SHC2: variants seen among roughly 807,000 people sequenced by gnomAD.
SHC2 encodes the protein SHC adaptor protein 2, also known as SHC-transforming protein 2.
Under a neutral mutation model 60.6 loss-of-function variants are expected in SHC2, and 62 were observed. That is an observed-to-expected ratio of 1.02 (90% CI 0.83 to 1.26). SHC2 has a LOEUF of 1.26. Ranked by LOEUF, SHC2 falls within the 50% of genes most tolerant of loss-of-function variation. SHC2 has a pLI of 0.00. For missense variants in SHC2, 873 were observed against 822.2 expected, an observed-to-expected ratio of 1.06 and a Z score of -0.76; for synonymous variants, 375 against 372.4, an observed-to-expected ratio of 1.01 and a Z score of -0.08.
In SHC2 at chr19:460,955, G is replaced by C. The variant is rs1441752786; in HGVS notation, c.42C>G (p.Pro14=). The C allele has an allele frequency of 1.0e-6, 1 of 983,406 alleles. No individual in the cohort carries two copies. Among genetic ancestry groups the C allele is most frequent in the Non-Finnish European group, 1.2e-6 (1 of 828,694 alleles). 60.9% of individuals were successfully genotyped at this position (983,406 alleles called of 1,614,324 possible). The change falls in exon 1 of 13, where the codon CCC becomes CCG. Residue 14 remains proline (P), a synonymous_variant. Transcript: ENST00000264554. Reference sequence around the variant, plus strand: ...TGGGCGCCTCGGGCTCGGGGGGCGCGGGGGGCGCCGGGGGCGCGCGCCCGC... The same window carrying C: ...TGGGCGCCTCGGGCTCGGGGGGCGCCGGGGGCGCCGGGGGCGCGCGCCCGC... ...GPGGRAPPAP[P]APPEPEAPTT... is the part of the protein sequence containing the mutation.
intron 1 of SHC2, among the ~76,000 whole-genome samples, chr19:454,714 C>T (rs1419952258): frequency 4.6e-5 from 7 of 152,038 alleles, no homozygotes; most frequent in East Asian, 3.9e-4. Flanking sequence ...CGCTTGAACC[C>T]GGGAGGCGGA....
At chr19:443,318 G>GGGGA (rs1974955075) in intron 1 of SHC2, among the ~76,000 whole-genome samples, 1 of 125,922 alleles carries the variant, frequency 7.9e-6, no homozygotes, top group Non-Finnish European at 1.5e-5. Flanking sequence ...GAGTGGATGG[G>GGGGA]TGGATGGATG....
chr19:438,815 G>A lies in SHC2; in HGVS notation c.623C>T (p.Ser208Phe). ...GCGAAGGTTGCTCTTGCCCAGGACG[G>A]ACGCCAGGGCCTTGTTGGGGGCCTG... The part of the protein sequence containing the change: ...KKKAPNKALA[S>F]VLGKSNLRFA... Residue 208 changes from serine to phenylalanine, a missense_variant, in exon 4 of 13, where the codon TCC (serine) becomes TTC (phenylalanine). By Grantham distance (155) the Ser-to-Phe change is radical. Transcript: ENST00000264554. This position sits in a 1 kb window ranked among gnomAD's most constrained non-coding sequence, Gnocchi z 5.0. 1.3e-6 allele frequency: 2 copies of A among 1,571,828 alleles called. No individual in the cohort carries two copies. The highest frequency in any genetic ancestry group is 1.7e-6 in the Non-Finnish European group (2 of 1,159,714).
intron 12 of SHC2, among the ~76,000 whole-genome samples, chr19:418,180 G>A (rs1974195841): frequency 6.6e-6 from 1 of 152,136 alleles, no homozygotes; most frequent in Non-Finnish European, 1.5e-5. Context: ...CCTGAGGTAT[G>A]GTCTTCTCAC....
At chr19:436,018 C>A in intron 7 of SHC2, 147 bp downstream of exon 7, 1 of 839,334 alleles carries the variant, frequency 1.2e-6, no homozygotes, top group Non-Finnish European at 1.8e-6. Context: ...GAAACAGGAT[C>A]CTCTGGCTGA....
rs370696210 is a variant in SHC2, at chr19:425,195, C to T, written c.1211G>A (p.Arg404Gln). ...PGDGYVQADA[R>Q]GPPDHEEHLY... The stretch of plus-strand genomic sequence containing the variant: ...GTGCTCCTCGTGGTCCGGGGGGCCC[C>T]GGGCGTCCGCCTGCACGTAGCCGTC... Residue 404 changes from arginine (R) to glutamine (Q), a missense_variant, in exon 10 of 13, where the codon CGG becomes CAG. Physicochemically the swap from Arg to Gln is conservative, Grantham distance 43. Coordinates refer to ENST00000264554, the MANE Select transcript of SHC2 (RefSeq NM_012435.3). This position sits in a 1 kb window ranked among gnomAD's most constrained non-coding sequence, Gnocchi z 4.1. 12 of 1,342,830 alleles carry T rather than the reference C, an allele frequency of 8.9e-6. No individual in the cohort carries two copies. The East Asian group carries it at 1.7e-4, about 19-fold the overall frequency. The allele number at this position is 1,342,830 out of a possible 1,614,324, so 83.2% of individuals were successfully genotyped here. A position where few individuals can be genotyped will look rare whatever the true frequency, so the allele number is the denominator to read the frequency against.
chr19:430,595 G>T, intron 9 of SHC2, 89 bp downstream of exon 9: 1 of 977,466 alleles, frequency 1.0e-6, no homozygotes, highest in South Asian at 1.5e-5. Flanking sequence ...AAGCAGAGAG[G>T]AGAAAGACTG....
At chr19:455,359 C>G (rs1267868168) in intron 1 of SHC2, among the ~76,000 whole-genome samples, 2 of 152,222 alleles carry the variant, frequency 1.3e-5, no homozygotes, top group African/African-American at 4.8e-5. Flanking sequence ...GCTGCCTCAT[C>G]TATAAAATGG....
chr19:460,433 G>T, intron 1 of SHC2, 96 bp downstream of exon 1: 1 of 469,590 alleles, frequency 2.1e-6, no homozygotes, highest in Non-Finnish European at 3.1e-6. Context: ...ATGGGGAGGG[G>T]ACACCTGGCT....
rs565013655 is a variant in SHC2, at chr19:446,467, C to G, written c.469-5535G>C. Reference sequence around the variant, plus strand: ...CTGGGATTACAGGCGCCCACTACCACGCCCGGCTAATTTTTGTATTTTTAG... The same window carrying G: ...CTGGGATTACAGGCGCCCACTACCAGGCCCGGCTAATTTTTGTATTTTTAG... On this transcript the variant is annotated intron_variant, in intron 1 of 12. Coordinates refer to ENST00000264554, the MANE Select transcript of SHC2 (RefSeq NM_012435.3). This position sits in a 1 kb window ranked among gnomAD's most constrained non-coding sequence, Gnocchi z 5.4. 2.0e-5 allele frequency among the ~76,000 whole-genome samples: 3 copies of G among 152,050 alleles called. No individual in the cohort carries two copies. Among genetic ancestry groups the G allele is most frequent in the Non-Finnish European group, 4.4e-5 (3 of 68,014 alleles).
chr19:418,171 C>T (rs1468156441), intron 12 of SHC2, among the ~76,000 whole-genome samples: 5 of 152,178 alleles, frequency 3.3e-5, no homozygotes, highest in Non-Finnish European at 7.4e-5. Flanking sequence ...TTGGCCCGGC[C>T]TGAGGTATGG....
rs780525511 is a variant in SHC2 at position 418,939 on chromosome 19, G to T, written c.1738C>A (p.Arg580=). Residue 580 remains arginine, a synonymous_variant, in exon 12 of 13, where the codon CGG becomes AGG. Coordinates refer to ENST00000264554, the MANE Select transcript of SHC2 (RefSeq NM_012435.3). ...GCCACACACCTGGCTCAGGGCTCCC[G>T]TGAGACCACGCCACGCAGGTGCAGC... ...SELHLRGVVS[R]EP 6.3e-7 allele frequency: 1 copy of T among 1,589,352 alleles called. No homozygotes were observed. Among genetic ancestry groups the T allele is most frequent in the Admixed American group, 1.8e-5 (1 of 57,004 alleles).
At chr19:434,432 G>A (rs541562404) in intron 8 of SHC2, among the ~76,000 whole-genome samples, 1 of 33,734 alleles carries the variant, frequency 3.0e-5, no homozygotes, top group Non-Finnish European at 6.0e-5. Context: ...GTGAGACTGA[G>A]TGAGATCATG....
At chr19:451,809 C>G (rs1975206286) in intron 1 of SHC2, among the ~76,000 whole-genome samples, 1 of 152,166 alleles carries the variant, frequency 6.6e-6, no homozygotes, top group Non-Finnish European at 1.5e-5. Context: ...TGTTGACAGG[C>G]TGGTGTCGAA....
rs539023064 is a variant in SHC2 at position 441,213 on chromosome 19, G to T, written c.469-281C>A. 3.1e-6 allele frequency: 3 copies of T among 967,274 alleles called. No individual in the cohort carries two copies. The highest frequency in any genetic ancestry group is 2.4e-4 in the East Asian group (2 of 8,510). 59.9% of individuals were successfully genotyped at this position (967,274 alleles called of 1,614,324 possible). On this transcript the variant is annotated intron_variant, in intron 1 of 12. Transcript: ENST00000264554. This position sits in a 1 kb window ranked among gnomAD's most constrained non-coding sequence, Gnocchi z 4.9. ...CTCTATGCTGCTTGTTCATTTAACC[G>T]TCTTGCCCTCGTCGGTCTCTTTCTG... is the stretch of plus-strand genomic sequence containing the variant.
At position 436,228 on chromosome 19, in the gene SHC2, G is replaced by T; in HGVS notation, c.890C>A (p.Ala297Asp). The T allele has an allele frequency of 6.2e-7, 1 of 1,602,834 alleles. No homozygotes were observed. The highest frequency in any genetic ancestry group is 8.5e-7 in the Non-Finnish European group (1 of 1,175,366). ...AQSIISTVGQ[A>D]FELRFKQYLH... is the part of the protein sequence containing the mutation. ...GTACTGCTTGAAGCGCAGCTCGAAA[G>T]CTTGGCCCACGGTGCTGATGATGCT... The change falls in exon 7 of 13, where the codon GCT becomes GAT. Residue 297 changes from alanine to aspartate, a missense_variant. Physicochemically the swap from Ala to Asp is moderately radical, Grantham distance 126. Coordinates refer to ENST00000264554, the MANE Select transcript of SHC2 (RefSeq NM_012435.3).
chr19:445,803 G>A lies in SHC2; in HGVS notation c.469-4871C>T, dbSNP rs780358370. ...AATCCCAGCACTTTGGGAGGCCGAG[G>A]TGAGTGGATCACTTGAGGTCAGGAG... On this transcript the variant is annotated intron_variant, in intron 1 of 12. Transcript: ENST00000264554. The surrounding 1 kb of genome is among the most constrained non-coding windows in gnomAD (Gnocchi z 4.4). Among the ~76,000 whole-genome samples, 10 of 152,168 alleles carry A rather than the reference G, an allele frequency of 6.6e-5. No homozygotes were observed. The highest frequency in any genetic ancestry group is 8.8e-5 in the Non-Finnish European group (6 of 68,034).
In SHC2 at chr19:438,530, G is replaced by A. The variant is rs562718477; in HGVS notation, c.720+188C>T. On this transcript the variant is annotated intron_variant, in intron 4 of 12. Transcript: ENST00000264554. This position sits in a 1 kb window ranked among gnomAD's most constrained non-coding sequence, Gnocchi z 5.0. ...TGTATCAGGACGGCTCGCCCAGGTGGGAGCCCCTGAGCTGAGCCCCGTGAG... is the reference window on the plus strand; with the variant it reads ...TGTATCAGGACGGCTCGCCCAGGTGAGAGCCCCTGAGCTGAGCCCCGTGAG... Among the ~76,000 whole-genome samples, 23 of 152,296 alleles carry A rather than the reference G, an allele frequency of 1.5e-4. 1 individual carries two copies. In the South Asian group the frequency reaches 2.7e-3, roughly 18 times the overall value.
intron 11 of SHC2, among the ~76,000 whole-genome samples, chr19:421,241 A>G (rs2145686881): frequency 6.6e-6 from 1 of 151,940 alleles, no homozygotes; most frequent in South Asian, 2.1e-4. Context: ...CACTAAAAAA[A>G]TATGAAAAAT....
Sources: gnomAD v4.1 joint callset for allele counts (sites outside exome capture counted in the v4.1 genomes callset) on GRCh38, gnomAD v4.1.1 for gene constraint, Gnocchi (gnomAD v3.1) non-coding constraint, MANE v1.5 for transcripts, NCBI Gene and HGNC (gene_info 2026-07-23, HGNC 2026-07-21) for gene names.